FHIT: variants seen among roughly 807,000 people sequenced by gnomAD.
The protein encoded by FHIT is bis(5'-adenosyl)-triphosphatase.
A neutral mutation model predicts 17.9 loss-of-function variants in FHIT; 19 were observed. The ratio of observed to expected loss-of-function variants is 1.06; its 90% CI spans 0.74 to 1.56. The LOEUF (loss-of-function observed/expected upper bound fraction) is 1.56, where lower values mean the gene tolerates loss of function less well. Ranked by LOEUF, FHIT falls within the 40% of genes most tolerant of loss-of-function variation. The pLI is 0.00. For missense variants in FHIT, 248 were observed against 189.2 expected (o/e 1.31, Z -1.82); for synonymous variants, 81 against 69.7 (o/e 1.16, Z -0.81).
chr3:61,241,683 A>C (rs1018516125), intron 1 of FHIT, among the ~76,000 whole-genome samples: 20 of 152,182 alleles, frequency 1.3e-4, no homozygotes, highest in Non-Finnish European at 8.8e-5. Flanking sequence ...TAGGATTCTG[A>C]TTGTTAAGAA....
chr3:61,176,923 C>T (rs537614403), intron 2 of FHIT, among the ~76,000 whole-genome samples: 4 of 152,146 alleles, frequency 2.6e-5, no homozygotes, highest in Non-Finnish European at 5.9e-5. Flanking sequence ...CGCCTGTAAC[C>T]CCAGAACTTT....
intron 4 of FHIT, among the ~76,000 whole-genome samples, chr3:60,630,076 A>G: frequency 6.6e-6 from 1 of 152,202 alleles, no homozygotes; most frequent in Non-Finnish European, 1.5e-5. Flanking sequence ...GTATCCTCCC[A>G]GAGACTGGTT....
At chr3:60,407,367 C>T (rs1701905490) in intron 5 of FHIT, among the ~76,000 whole-genome samples, 1 of 151,940 alleles carries the variant, frequency 6.6e-6, no homozygotes, top group African/African-American at 2.4e-5. Context: ...TCAATTCACC[C>T]CAAAAGATAA....
intron 3 of FHIT, among the ~76,000 whole-genome samples, chr3:60,904,521 C>T (rs73097837): frequency 0.038 from 5,756 of 150,824 alleles, 142 homozygotes; most frequent in Middle Eastern, 0.077. Context: ...ATTTCAATTA[C>T]CTGAAATTTT....
intron 7 of FHIT, among the ~76,000 whole-genome samples, chr3:59,963,366 G>C (rs1427241138): frequency 6.6e-6 from 1 of 152,094 alleles, no homozygotes; most frequent in Non-Finnish European, 1.5e-5. Context: ...CATGGCTCAA[G>C]TTCATTTAAA....
At chr3:60,517,513 T>C (rs992093041) in intron 5 of FHIT, among the ~76,000 whole-genome samples, 1 of 152,174 alleles carries the variant, frequency 6.6e-6, no homozygotes, top group Non-Finnish European at 1.5e-5. Flanking sequence ...TTACTATGAA[T>C]TTTTTGCTCT....
chr3:60,912,298 G>T (rs1340378879), intron 3 of FHIT, among the ~76,000 whole-genome samples: 4 of 152,140 alleles, frequency 2.6e-5, no homozygotes, highest in Admixed American at 6.5e-5. Flanking sequence ...GCAGTTATCA[G>T]CCTGGACTGT....
intron 7 of FHIT, among the ~76,000 whole-genome samples, chr3:59,953,546 G>T (rs1048627906): frequency 1.3e-5 from 2 of 152,116 alleles, no homozygotes; most frequent in African/African-American, 4.8e-5. Context: ...TCTTTAGCAA[G>T]GTATCTTTCC....
rs1359713710 is a variant in FHIT, at chr3:60,860,093, T to TATGATATATCTGATATATGATATATAA, written c.-110-38109_-110-38083dup. ...TGATATATCTGATATATGATATATATATGATATATCTGATATATGATATAT... is the reference window on the plus strand; with the variant it reads ...TGATATATCTGATATATGATATATATATGATATATCTGATATATGATATATAAATGATATATCTGATATATGATATAT... On this transcript the variant is annotated intron_variant, in intron 3 of 9. Transcript: ENST00000492590. Among the ~76,000 whole-genome samples the TATGATATATCTGATATATGATATATAA allele has an allele frequency of 2.8e-5, 4 of 143,584 alleles. 1 individual carries two copies. The highest frequency in any genetic ancestry group is 1.1e-4 in the African/African-American group (4 of 36,346). The allele number at this position is 143,584 out of a possible 152,430, so 94.2% of individuals were successfully genotyped here. A position where few individuals can be genotyped will look rare whatever the true frequency, so the allele number is the denominator to read the frequency against.
chr3:60,538,278 C>T (rs547093232), intron 4 of FHIT, among the ~76,000 whole-genome samples: 21 of 152,056 alleles, frequency 1.4e-4, no homozygotes, highest in Admixed American at 5.9e-4. Flanking sequence ...CACTGCTCAA[C>T]GAAATAAAAG....
At chr3:60,671,782 A>AG (rs1163552103) in intron 4 of FHIT, among the ~76,000 whole-genome samples, 3 of 150,896 alleles carry the variant, frequency 2.0e-5, no homozygotes, top group Non-Finnish European at 4.4e-5. Flanking sequence ...TCTACTAAAA[A>AG]AAAAAAAAAA....
intron 8 of FHIT, among the ~76,000 whole-genome samples, chr3:59,862,170 G>T (rs1045333661): frequency 6.6e-6 from 1 of 152,210 alleles, no homozygotes; most frequent in African/African-American, 2.4e-5. Context: ...GCCCCACATG[G>T]TGGGGGAGAC....
At chr3:60,233,170 T>C (rs753902184) in intron 5 of FHIT, among the ~76,000 whole-genome samples, 1 of 152,160 alleles carries the variant, frequency 6.6e-6, no homozygotes, top group Non-Finnish European at 1.5e-5. Flanking sequence ...ATTTTTATAA[T>C]AAAAAACTAT....
chr3:59,986,556 CACACACACACACATATAT>C (rs1559523712), intron 7 of FHIT, among the ~76,000 whole-genome samples: 2 of 41,310 alleles, frequency 4.8e-5, no homozygotes, highest in Non-Finnish European at 8.0e-5. Context: ...CACACACACA[CACACACACACACATATAT>C]ACACACACAC....
At chr3:60,464,354 TTG>T (rs2032663331) in intron 5 of FHIT, among the ~76,000 whole-genome samples, 1 of 152,178 alleles carries the variant, frequency 6.6e-6, no homozygotes, top group Non-Finnish European at 1.5e-5. Context: ...CATTTATCCT[TTG>T]TGTTACAAAC....
chr3:60,117,467 C>G (rs935576446), intron 5 of FHIT, among the ~76,000 whole-genome samples: 2 of 115,498 alleles, frequency 1.7e-5, no homozygotes, highest in Non-Finnish European at 3.3e-5. Flanking sequence ...TAAATCCAGA[C>G]AGACCCAAAG....
At chr3:59,888,251 GT>G (rs1275662373) in intron 8 of FHIT, among the ~76,000 whole-genome samples, 1 of 152,178 alleles carries the variant, frequency 6.6e-6, no homozygotes, top group Non-Finnish European at 1.5e-5. Context: ...TGTATTCTAT[GT>G]TAACTGTGAT....
intron 4 of FHIT, among the ~76,000 whole-genome samples, chr3:60,539,208 C>T (rs1332513292): frequency 6.6e-6 from 1 of 152,116 alleles, no homozygotes; most frequent in East Asian, 1.9e-4. Flanking sequence ...TCATCAATGG[C>T]CATCAGAGAA....
intron 3 of FHIT, among the ~76,000 whole-genome samples, chr3:60,871,792 C>G (rs996877954): frequency 1.3e-5 from 2 of 151,980 alleles, no homozygotes; most frequent in Non-Finnish European, 2.9e-5. Context: ...CACCACCATA[C>G]CCAGATTTTT....
Sources: gnomAD v4.1 joint callset for allele counts (sites outside exome capture counted in the v4.1 genomes callset) on GRCh38, gnomAD v4.1.1 for gene constraint, MANE v1.5 for transcripts, NCBI Gene and HGNC (gene_info 2026-07-23, HGNC 2026-07-21) for gene names.